The following ZSWIM5 variants were observed in gnomAD, a reference collection of about 807,000 sequenced individuals.
ZSWIM5 encodes zinc finger SWIM-type containing 5.
Under a neutral mutation model 119.6 loss-of-function variants are expected in ZSWIM5, and 55 were observed. That is an observed-to-expected ratio of 0.46 (90% CI 0.37 to 0.58). ZSWIM5 has a LOEUF of 0.58. ZSWIM5 is among the 20% of genes least tolerant of loss of function. ZSWIM5 has a pLI of 0.00. For missense variants in ZSWIM5, 1,193 were observed against 1,512.8 expected, an observed-to-expected ratio of 0.79 and a Z score of 3.51; for synonymous variants, 537 against 606.9, an observed-to-expected ratio of 0.88 and a Z score of 1.69.
chr1:45,023,672 T>G (rs902060306), intron 11 of ZSWIM5, among the ~76,000 whole-genome samples: 1 of 152,208 alleles, frequency 6.6e-6, no homozygotes, highest in Non-Finnish European at 1.5e-5. Flanking sequence ...TAAACATTCA[T>G]GTGCAGGCTT....
chr1:45,097,653 TA>T (rs1459199518), intron 1 of ZSWIM5, among the ~76,000 whole-genome samples: 1 of 152,222 alleles, frequency 6.6e-6, no homozygotes, highest in East Asian at 1.9e-4. Flanking sequence ...TGTTGGGCTT[TA>T]AAAACTAGGA....
At chr1:45,085,834 A>G (rs1645326179) in intron 2 of ZSWIM5, among the ~76,000 whole-genome samples, 1 of 152,154 alleles carries the variant, frequency 6.6e-6, no homozygotes, top group Non-Finnish European at 1.5e-5. Context: ...ACTTTCCTTC[A>G]TCCTCCTGTC....
intron 1 of ZSWIM5, among the ~76,000 whole-genome samples, chr1:45,200,516 G>T (rs1439924420): frequency 6.6e-6 from 1 of 152,072 alleles, no homozygotes; most frequent in Non-Finnish European, 1.5e-5. Flanking sequence ...TTAAAACACT[G>T]TTCATATGCT....
At chr1:45,174,062 G>A (rs1160675719) in intron 1 of ZSWIM5, among the ~76,000 whole-genome samples, 1 of 152,046 alleles carries the variant, frequency 6.6e-6, no homozygotes, top group Admixed American at 6.6e-5. Context: ...ATCACTTGAG[G>A]TCAGGAATTT....
At chr1:45,136,839 A>G (rs1645693440) in intron 1 of ZSWIM5, among the ~76,000 whole-genome samples, 1 of 152,124 alleles carries the variant, frequency 6.6e-6, no homozygotes, top group South Asian at 2.1e-4. Flanking sequence ...GGGTTCCAAT[A>G]AAAAGCCTGG....
intron 1 of ZSWIM5, among the ~76,000 whole-genome samples, chr1:45,203,987 C>G (rs1226433900): frequency 6.6e-6 from 1 of 151,998 alleles, no homozygotes; most frequent in African/African-American, 2.4e-5. Flanking sequence ...TCTGAAACTA[C>G]CATAAGAGAG....
At position 45,087,916 on chromosome 1, in the gene ZSWIM5, A is replaced by C; in HGVS notation, c.917T>G (p.Ile306Ser). The C allele has an allele frequency of 6.2e-7, 1 of 1,612,712 alleles. No individual in the cohort carries two copies. The highest frequency in any genetic ancestry group is 8.5e-7 in the Non-Finnish European group (1 of 1,179,234). The stretch of plus-strand genomic sequence containing the variant: ...GTTGATTTCTGAGTTGGAGGATAGA[A>C]TCTCATCTGCCAGTTTCTGTGCAGT... The part of the protein sequence containing the change: ...LPTAQKLADE[I>S]LSSNSEINQV... Residue 306 changes from isoleucine to serine, a missense_variant, in exon 2 of 14, where the codon ATT becomes AGT. By Grantham distance (142) the Ile-to-Ser change is moderately radical (BLOSUM62 -2). Coordinates refer to ENST00000359600, the MANE Select transcript of ZSWIM5 (RefSeq NM_020883.2).
intron 1 of ZSWIM5, among the ~76,000 whole-genome samples, chr1:45,098,058 G>C (rs944713627): frequency 1.3e-5 from 2 of 152,212 alleles, no homozygotes; most frequent in East Asian, 1.9e-4. Flanking sequence ...GAATGGCAGA[G>C]TAGTGGTAAA....
In ZSWIM5 at chr1:45,019,275, G is replaced by A; in HGVS notation, c.2737C>T (p.Leu913Phe). Residue 913 changes from leucine to phenylalanine, a missense_variant, in exon 14 of 14, where the codon CTC becomes TTC. Transcript: ENST00000359600. The surrounding 1 kb of genome is among the most constrained non-coding windows in gnomAD (Gnocchi z 5.0). ...LVSILQSWYT[L>F]FTPTEATSIV... ...CTAGTAGCCTCAGTAGGGGTGAAGA[G>A]TGTGTACCAGCTCTGCAAGATGCTC... The A allele has an allele frequency of 1.2e-6, 2 of 1,613,634 alleles. No homozygotes were observed. Among genetic ancestry groups the A allele is most frequent in the Non-Finnish European group, 1.7e-6 (2 of 1,180,018 alleles).
At chr1:45,063,177 T>C (rs1202961991) in intron 2 of ZSWIM5, among the ~76,000 whole-genome samples, 2 of 152,322 alleles carry the variant, frequency 1.3e-5, no homozygotes, top group African/African-American at 4.8e-5. Flanking sequence ...ATAGCTGCAT[T>C]GAATTCCATG....
At chr1:45,024,441 C>T (rs1569985433) in intron 11 of ZSWIM5, among the ~76,000 whole-genome samples, 2 of 152,052 alleles carry the variant, frequency 1.3e-5, no homozygotes, top group East Asian at 3.9e-4. Flanking sequence ...ATCCACCTGC[C>T]TCGACCTCCC....
At chr1:45,197,486 T>C (rs919384292) in intron 1 of ZSWIM5, among the ~76,000 whole-genome samples, 8 of 152,232 alleles carry the variant, frequency 5.3e-5, no homozygotes, top group African/African-American at 1.9e-4. Flanking sequence ...GTTTGTTCTT[T>C]TTTATTGCTG....
rs556825566 is a variant in ZSWIM5, at chr1:45,196,605, T to A, written c.595+9151A>T. Among the ~76,000 whole-genome samples the A allele has an allele frequency of 4.4e-3, 661 of 150,392 alleles. 5 individuals carry two copies. The highest frequency in any genetic ancestry group is 5.9e-3 in the Non-Finnish European group (397 of 67,446). On this transcript the variant is annotated intron_variant, in intron 1 of 13. Transcript: ENST00000359600. Reference sequence around the variant, plus strand: ...CGGGATTTCACCATGTTAGCTAGGATGGTCTCGAGCTCCTGACCTCGTGAT... The same window carrying A: ...CGGGATTTCACCATGTTAGCTAGGAAGGTCTCGAGCTCCTGACCTCGTGAT...
chr1:45,196,960 T>G (rs1646129378), intron 1 of ZSWIM5, among the ~76,000 whole-genome samples: 1 of 152,186 alleles, frequency 6.6e-6, no homozygotes, highest in South Asian at 2.1e-4. Flanking sequence ...ACACACTTAC[T>G]CTGAGTTCCT....
At chr1:45,159,880 T>C (rs1282136840) in intron 1 of ZSWIM5, among the ~76,000 whole-genome samples, 1 of 152,158 alleles carries the variant, frequency 6.6e-6, no homozygotes, top group African/African-American at 2.4e-5. Flanking sequence ...TGAGCCACCG[T>C]GCCCGGCCTC....
At chr1:45,197,962 G>A (rs1173107754) in intron 1 of ZSWIM5, among the ~76,000 whole-genome samples, 1 of 152,162 alleles carries the variant, frequency 6.6e-6, no homozygotes, top group Non-Finnish European at 1.5e-5. Flanking sequence ...GTTTACAAAT[G>A]GATAACTCAT....
At chr1:45,184,752 A>C (rs1646046598) in intron 1 of ZSWIM5, among the ~76,000 whole-genome samples, 1 of 152,058 alleles carries the variant, frequency 6.6e-6, no homozygotes, top group African/African-American at 2.4e-5. Flanking sequence ...ATAAAAGAGG[A>C]TACAAACAAA....
intron 1 of ZSWIM5, among the ~76,000 whole-genome samples, chr1:45,107,931 G>C (rs1307972164): frequency 1.3e-5 from 2 of 152,060 alleles, no homozygotes; most frequent in African/African-American, 4.8e-5. Context: ...CAAGTAGCTG[G>C]GACCACAGGC....
chr1:45,044,199 A>G (rs1403714085), intron 5 of ZSWIM5, among the ~76,000 whole-genome samples: 2 of 65,792 alleles, frequency 3.0e-5, no homozygotes, highest in African/African-American at 8.4e-5. Flanking sequence ...CAAAAAAAAA[A>G]AAAAGAGAGA....
Sources: allele counts gnomAD v4.1 joint callset (sites outside exome capture counted in the v4.1 genomes callset), GRCh38; gene constraint gnomAD v4.1.1; non-coding constraint Gnocchi (gnomAD v3.1); transcripts MANE v1.5; gene names NCBI Gene and HGNC (gene_info 2026-07-23, HGNC 2026-07-21).